LIMS1: variants seen among roughly 807,000 people sequenced by gnomAD.
LIMS1 encodes the protein LIM and senescent cell antigen-like-containing domain protein 1.
LIMS1 carries 18 observed loss-of-function variants against 44.1 expected under a neutral mutation model. The observed-to-expected ratio is 0.41, with a 90% CI of 0.28 to 0.61. The LOEUF (loss-of-function observed/expected upper bound fraction) is 0.61. LIMS1 is among the 20% of genes least tolerant of loss of function. The pLI is 0.32. For synonymous variants in LIMS1, 93 were observed against 149.1 expected (o/e 0.62, Z 2.74); for missense variants, 201 against 422.0 (o/e 0.48, Z 4.59).
At chr2:108,625,009 G>A (rs1688479533) in intron 1 of LIMS1, among the ~76,000 whole-genome samples, 1 of 150,010 alleles carries the variant, frequency 6.7e-6, no homozygotes, top group Admixed American at 6.6e-5. Context: ...AGCCTGGAAG[G>A]CGGAGGTTGC....
intron 1 of LIMS1, among the ~76,000 whole-genome samples, chr2:108,568,948 G>T (rs1295383166): frequency 6.6e-6 from 1 of 151,996 alleles, no homozygotes; most frequent in Non-Finnish European, 1.5e-5. Flanking sequence ...TTAGAGTGCA[G>T]TGGCACAATC....
At chr2:108,627,200 A>G (rs1420605447) in intron 1 of LIMS1, among the ~76,000 whole-genome samples, 1 of 152,120 alleles carries the variant, frequency 6.6e-6, no homozygotes, top group African/African-American at 2.4e-5. Context: ...TTATGTGAAC[A>G]TTTGTATATT....
At chr2:108,640,102 G>C (rs1689567441) in intron 1 of LIMS1, among the ~76,000 whole-genome samples, 1 of 152,202 alleles carries the variant, frequency 6.6e-6, no homozygotes, top group Admixed American at 6.5e-5. Flanking sequence ...TGTGTGATGG[G>C]AGTGTCTCCA....
intron 1 of LIMS1, among the ~76,000 whole-genome samples, chr2:108,573,593 G>A (rs1357175017): frequency 6.6e-6 from 1 of 152,168 alleles, no homozygotes; most frequent in East Asian, 1.9e-4. Flanking sequence ...ATATTGCTGC[G>A]TGCCTGGTAG....
At chr2:108,535,393 TCA>T (rs1558777125) in intron 1 of LIMS1, among the ~76,000 whole-genome samples, 1 of 152,252 alleles carries the variant, frequency 6.6e-6, no homozygotes, top group Non-Finnish European at 1.5e-5. Flanking sequence ...AGCGGACTTT[TCA>T]CACAGTTTCG....
chr2:108,557,354 A>G (rs1684959966), intron 1 of LIMS1, among the ~76,000 whole-genome samples: 2 of 150,066 alleles, frequency 1.3e-5, no homozygotes, highest in African/African-American at 4.9e-5. Context: ...TGAGATTACA[A>G]GTGTGAGCCA....
chr2:108,541,478 ACTGAT>A (rs1306819802), intron 1 of LIMS1, among the ~76,000 whole-genome samples: 1 of 152,214 alleles, frequency 6.6e-6, no homozygotes, highest in African/African-American at 2.4e-5. Context: ...GGTGCACCTG[ACTGAT>A]CTGTCATCCA....
chr2:108,594,159 G>A (rs1686546369), intron 1 of LIMS1, among the ~76,000 whole-genome samples: 1 of 152,182 alleles, frequency 6.6e-6, no homozygotes. Flanking sequence ...TCGACAAGTG[G>A]TAGGAGTAAA....
intron 1 of LIMS1, among the ~76,000 whole-genome samples, chr2:108,562,139 T>C (rs1329940586): frequency 6.6e-6 from 1 of 152,252 alleles, no homozygotes; most frequent in Non-Finnish European, 1.5e-5. Flanking sequence ...AAATGTTGTA[T>C]GTGTTCTAAC....
At position 108,611,854 on chromosome 2, in the gene LIMS1, T is replaced by TATATATATACAC. The variant is rs771325535; in HGVS notation, c.33-47750_33-47749insTATATATACACA. ...GATCTAAAATATATATATATATATA[T>TATATATATACAC]ACACACATATATATACACATATATA... On this transcript the variant is annotated intron_variant, in intron 1 of 9. Coordinates refer to ENST00000544547, the Ensembl canonical transcript of LIMS1. Among the ~76,000 whole-genome samples, 67 of 125,246 alleles carry TATATATATACAC rather than the reference T, an allele frequency of 5.3e-4. 1 individual carries two copies. Among genetic ancestry groups the TATATATATACAC allele is most frequent in the Non-Finnish European group, 6.5e-4 (37 of 56,566 alleles). The allele number at this position is 125,246 out of a possible 152,430, so 82.2% of individuals were successfully genotyped here.
In LIMS1 at chr2:108,682,107, A is replaced by G. The variant is rs115184006; in HGVS notation, c.899+1337A>G. On this transcript the variant is annotated intron_variant, in intron 9 of 9. Transcript: ENST00000544547. Reference sequence around the variant, plus strand: ...TTTGAAATTCTTTTGAATTACCAGCATGATTGTTCCAGTTTTCCCTCATAG... The same window carrying G: ...TTTGAAATTCTTTTGAATTACCAGCGTGATTGTTCCAGTTTTCCCTCATAG... 8.6e-3 allele frequency among the ~76,000 whole-genome samples: 1,305 copies of G among 152,284 alleles called. 16 individuals carry two copies. Among genetic ancestry groups the G allele is most frequent in the African/African-American group, 0.03 (1,238 of 41,556 alleles).
intron 5 of LIMS1, among the ~76,000 whole-genome samples, chr2:108,674,461 G>A (rs1323424783): frequency 2.0e-5 from 3 of 150,696 alleles, no homozygotes; most frequent in African/African-American, 7.3e-5. Flanking sequence ...AGTGGCACAC[G>A]CCTGTAATCC....
At chr2:108,683,397 G>A (rs543146065) in intron 9 of LIMS1, among the ~76,000 whole-genome samples, 2 of 152,054 alleles carry the variant, frequency 1.3e-5, no homozygotes, top group African/African-American at 2.4e-5. Flanking sequence ...TTTTAAGTTA[G>A]CCAGGCATAG....
At chr2:108,649,983 T>C (rs1188919908) in intron 1 of LIMS1, among the ~76,000 whole-genome samples, 2 of 152,096 alleles carry the variant, frequency 1.3e-5, no homozygotes, top group Non-Finnish European at 2.9e-5. Flanking sequence ...ATAAATACTT[T>C]CAACAGTAAA....
intron 1 of LIMS1, among the ~76,000 whole-genome samples, chr2:108,591,078 A>G (rs943180598): frequency 6.6e-6 from 1 of 152,300 alleles, no homozygotes; most frequent in Non-Finnish European, 1.5e-5. Context: ...ACATTAGGGA[A>G]GCATCTGTGA....
intron 1 of LIMS1, among the ~76,000 whole-genome samples, chr2:108,624,722 A>G (rs1688460938): frequency 6.6e-6 from 1 of 152,084 alleles, no homozygotes. Context: ...GCGCCACTGC[A>G]CTCTAGCCTG....
intron 1 of LIMS1, among the ~76,000 whole-genome samples, chr2:108,557,665 T>C (rs1428752008): frequency 9.3e-5 from 14 of 151,272 alleles, no homozygotes; most frequent in Admixed American, 7.9e-4. Context: ...TACAGGTACG[T>C]GCCACCACGC....
chr2:108,545,026 G>A (rs10175540), intron 1 of LIMS1, among the ~76,000 whole-genome samples: 56,902 of 151,936 alleles, frequency 0.37, 12,447 homozygotes, highest in East Asian at 0.89. Flanking sequence ...CCCAAACATC[G>A]ATTTTATTTT....
intron 1 of LIMS1, among the ~76,000 whole-genome samples, chr2:108,587,201 G>T (rs1686143864): frequency 6.6e-6 from 1 of 151,806 alleles, no homozygotes; most frequent in Admixed American, 6.6e-5. Flanking sequence ...GTGCCCTCAG[G>T]TTATAGCTTG....
Sources: gnomAD v4.1 joint callset for allele counts (sites outside exome capture counted in the v4.1 genomes callset) on GRCh38, gnomAD v4.1.1 for gene constraint, MANE v1.5 for transcripts, NCBI Gene and HGNC (gene_info 2026-07-23, HGNC 2026-07-21) for gene names.